Variants in GRID2IP observed in about 807,000 individuals in gnomAD.
GRID2IP encodes the protein Grid2 interacting protein, also known as delphilin.
A neutral mutation model predicts 114.3 loss-of-function variants in GRID2IP; 78 were observed. The observed-to-expected ratio is 0.68, with a 90% CI of 0.57 to 0.82. The LOEUF (loss-of-function observed/expected upper bound fraction) is 0.82, where lower values mean the gene tolerates loss of function less well. Ranked by LOEUF, GRID2IP falls within the 40% of genes least tolerant of loss-of-function variation. The pLI is 0.00. For synonymous variants in GRID2IP, 809 were observed against 724.0 expected, an observed-to-expected ratio of 1.12 and a Z score of -1.89; for missense variants, 1,727 against 1,678.5, an observed-to-expected ratio of 1.03 and a Z score of -0.51.
intron 1 of GRID2IP, among the ~76,000 whole-genome samples, chr7:6,546,597 C>G (rs1779892936): frequency 6.6e-6 from 1 of 151,238 alleles, no homozygotes; most frequent in South Asian, 2.1e-4. Flanking sequence ...GATAGAAAAC[C>G]AACTGGGCTC....
chr7:6,507,908 G>T lies in GRID2IP; in HGVS notation c.2544+77C>A. 6.6e-7 allele frequency: 1 copy of T among 1,519,168 alleles called. No individual in the cohort carries two copies. The highest frequency in any genetic ancestry group is 1.3e-5 in the South Asian group (1 of 79,132). The allele number at this position is 1,519,168 out of a possible 1,614,324, so 94.1% of individuals were successfully genotyped here. ...GGATGATGTTGGAAGATGCCTGGCCGATGGGTTTTCCTTCAGTGCTGCTGC... is the reference window on the plus strand; with the variant it reads ...GGATGATGTTGGAAGATGCCTGGCCTATGGGTTTTCCTTCAGTGCTGCTGC... On this transcript the variant is annotated intron_variant, in intron 13 of 21. Coordinates refer to ENST00000457091, the MANE Select transcript of GRID2IP (RefSeq NM_001145118.2). This position sits in a 1 kb window ranked among gnomAD's most constrained non-coding sequence, Gnocchi z 5.3.
At position 6,504,598 on chromosome 7, in the gene GRID2IP, G is replaced by A. The variant is rs113690162; in HGVS notation, c.2710+195C>T. On this transcript the variant is annotated intron_variant, in intron 15 of 21. Coordinates refer to ENST00000457091, the MANE Select transcript of GRID2IP (RefSeq NM_001145118.2). ...AGAACCGGGAAGTTGATTAGACAGT[G>A]AGGGTGGGGCCAGCACCCGCGCCCA... Among the ~76,000 whole-genome samples the A allele has an allele frequency of 5.8e-3, 878 of 152,250 alleles. 6 individuals carry two copies. Among genetic ancestry groups the A allele is most frequent in the African/African-American group, 0.02 (835 of 41,544 alleles).
At chr7:6,531,996 C>A (rs73344957) in intron 2 of GRID2IP, among the ~76,000 whole-genome samples, 5,435 of 152,210 alleles carry the variant, frequency 0.036, 326 homozygotes, top group African/African-American at 0.12. Flanking sequence ...AGAGGGCCTC[C>A]CAGAGCTGCG....
At chr7:6,539,993 AC>A in intron 1 of GRID2IP, 121 bp from the exon 2 acceptor site, 13 of 777,602 alleles carry the variant, frequency 1.7e-5, no homozygotes, top group Non-Finnish European at 2.5e-5. Context: ...TGGGCGTACC[AC>A]CTGAGTGCTA....
Position 6,526,268 on chromosome 7 carries a change from G to T in GRID2IP, c.875C>A (p.Thr292Lys), listed in dbSNP as rs1296291699. 16 of 1,552,028 alleles carry T rather than the reference G, an allele frequency of 1.0e-5. No individual in the cohort carries two copies. Among genetic ancestry groups the T allele is most frequent in the Non-Finnish European group, 1.4e-5 (16 of 1,147,056 alleles). Residue 292 changes from threonine to lysine, a missense_variant, in exon 4 of 22, where the codon ACA becomes AAA. Thr to Lys is a moderately conservative substitution (Grantham distance 78). Coordinates refer to ENST00000457091, the MANE Select transcript of GRID2IP (RefSeq NM_001145118.2). This position sits in a 1 kb window ranked among gnomAD's most constrained non-coding sequence, Gnocchi z 7.6. The stretch of plus-strand genomic sequence containing the variant: ...CCAGACAGGCCCGTGGCCGCGAAGT[G>T]TGAAGCCGAAGCTCTTGTTGCCTTT... ...VYKGNKSFGFTLRGHGPVWIE... is the reference protein window; with the variant it reads ...VYKGNKSFGFKLRGHGPVWIE...
At chr7:6,543,887 C>T (rs1779848352) in intron 1 of GRID2IP, among the ~76,000 whole-genome samples, 1 of 152,122 alleles carries the variant, frequency 6.6e-6, no homozygotes, top group South Asian at 2.1e-4. Flanking sequence ...ACCTCCACCT[C>T]CTGAGTTCAA....
rs767561580 is a variant in GRID2IP, at chr7:6,505,708, G to A, written c.2632+112C>T. On this transcript the variant is annotated intron_variant, in intron 14 of 21. Coordinates refer to ENST00000457091, the MANE Select transcript of GRID2IP (RefSeq NM_001145118.2). ...TAAATAACTCAGGGACTGAAGGCTTGAGGACGCATCAGGTTAAATAGTAGT... is the reference window on the plus strand; with the variant it reads ...TAAATAACTCAGGGACTGAAGGCTTAAGGACGCATCAGGTTAAATAGTAGT... 1.6e-4 allele frequency: 109 copies of A among 694,338 alleles called. 2 individuals are homozygous for A. Among genetic ancestry groups the A allele is most frequent in the South Asian group, 1.4e-3 (78 of 57,582 alleles). 43.0% of individuals were successfully genotyped at this position (694,338 alleles called of 1,614,324 possible).
At position 6,523,086 on chromosome 7, in the gene GRID2IP, G is replaced by A. The variant is rs891610089; in HGVS notation, c.920-1129C>T. 1.3e-5 allele frequency among the ~76,000 whole-genome samples: 2 copies of A among 152,068 alleles called. No individual in the cohort carries two copies. Among genetic ancestry groups the A allele is most frequent in the African/African-American group, 4.8e-5 (2 of 41,402 alleles). Reference sequence around the variant, plus strand: ...CCCAAAGTGCTGGGATTACAGGTGTGAGCCACCACGTAGTCCTCTTTCTGC... The same window carrying A: ...CCCAAAGTGCTGGGATTACAGGTGTAAGCCACCACGTAGTCCTCTTTCTGC... On this transcript the variant is annotated intron_variant, in intron 4 of 21. Coordinates refer to ENST00000457091, the MANE Select transcript of GRID2IP (RefSeq NM_001145118.2). The surrounding 1 kb of genome is among the most constrained non-coding windows in gnomAD (Gnocchi z 4.5).
Position 6,519,391 on chromosome 7 carries a change from C to T in GRID2IP, c.1268+1187G>A, listed in dbSNP as rs528305964. ...TGCCTGTAACCGCAGCACTTTGGGA[C>T]GATCACTTGAGCCCAAGAGTTCGAG... On this transcript the variant is annotated intron_variant, in intron 7 of 21. Coordinates refer to ENST00000457091, the MANE Select transcript of GRID2IP (RefSeq NM_001145118.2). The surrounding 1 kb of genome is among the most constrained non-coding windows in gnomAD (Gnocchi z 4.1). 2.0e-4 allele frequency among the ~76,000 whole-genome samples: 30 copies of T among 152,114 alleles called. No homozygotes were observed. Among genetic ancestry groups the T allele is most frequent in the Admixed American group, 1.2e-3 (19 of 15,246 alleles).
In GRID2IP at chr7:6,521,330, A is replaced by T; in HGVS notation, c.1084+99T>A. The stretch of plus-strand genomic sequence containing the variant: ...CCCCGGGGAGGCAAGCTGCAGGTTT[A>T]GGGGAAGAGCTGAGTCCTCCGCACT... On this transcript the variant is annotated intron_variant, in intron 6 of 21. Transcript: ENST00000457091. The surrounding 1 kb of genome is among the most constrained non-coding windows in gnomAD (Gnocchi z 4.1). 1.2e-6 allele frequency: 1 copy of T among 802,346 alleles called. No homozygotes were observed. Among genetic ancestry groups the T allele is most frequent in the Non-Finnish European group, 1.9e-6 (1 of 517,808 alleles). The allele number at this position is 802,346 out of a possible 1,614,324, so 49.7% of individuals were successfully genotyped here.
chr7:6,510,812 T>C, intron 9 of GRID2IP, 96 bp downstream of exon 9: 2 of 1,476,324 alleles, frequency 1.4e-6, no homozygotes, highest in Non-Finnish European at 1.8e-6. Context: ...GAGCCCTGCT[T>C]AGCCCCATTC....
In GRID2IP at chr7:6,532,005, C is replaced by T. The variant is rs1023686882; in HGVS notation, c.585-5236G>A. Among the ~76,000 whole-genome samples, 1 of 152,068 alleles carries T rather than the reference C, an allele frequency of 6.6e-6. No individual in the cohort carries two copies. The highest frequency in any genetic ancestry group is 1.9e-4 in the East Asian group (1 of 5,192). ...GCGAGTAGAGGGCCTCCCAGAGCTG[C>T]GCCTCTTGCTCTGCCAGGAGAGAAG... On this transcript the variant is annotated intron_variant, in intron 2 of 21. Coordinates refer to ENST00000457091, the MANE Select transcript of GRID2IP (RefSeq NM_001145118.2). This position sits in a 1 kb window ranked among gnomAD's most constrained non-coding sequence, Gnocchi z 4.4.
intron 2 of GRID2IP, 96 bp downstream of exon 2, chr7:6,539,622 C>T: frequency 1.7e-6 from 2 of 1,184,476 alleles, no homozygotes; most frequent in Non-Finnish European, 2.3e-6. Flanking sequence ...TTATCTCCCA[C>T]CTGGGCTGGA....
intron 2 of GRID2IP, among the ~76,000 whole-genome samples, chr7:6,537,414 G>T (rs1303155853): frequency 4.6e-5 from 5 of 109,124 alleles, no homozygotes; most frequent in African/African-American, 1.8e-4. Context: ...GTCTTGCTCT[G>T]TTGGCAGGGC....
chr7:6,537,156 G>T (rs978775595), intron 2 of GRID2IP, among the ~76,000 whole-genome samples: 9 of 152,020 alleles, frequency 5.9e-5, no homozygotes, highest in African/African-American at 2.2e-4. Context: ...AAGCTGGGCA[G>T]GCAGGGAGGG....
rs1283505200 is a variant in GRID2IP at position 6,504,785 on chromosome 7, A to C, written c.2710+8T>G. ...CCCTACACCCCCTGGGGTTCCCCGG[A>C]CCCTCACAGGTGTTGTAGGCCTTCT... On this transcript the variant is annotated splice_region_variant and intron_variant, in intron 15 of 21. Coordinates refer to ENST00000457091, the MANE Select transcript of GRID2IP (RefSeq NM_001145118.2). The C allele has an allele frequency of 6.5e-7, 1 of 1,549,544 alleles. No individual in the cohort carries two copies. Among genetic ancestry groups the C allele is most frequent in the Non-Finnish European group, 8.7e-7 (1 of 1,145,430 alleles).
intron 4 of GRID2IP, among the ~76,000 whole-genome samples, chr7:6,524,722 G>A (rs1779476078): frequency 6.6e-6 from 1 of 150,986 alleles, no homozygotes; most frequent in Admixed American, 6.6e-5. Context: ...CTCATCTCTC[G>A]TTTGTTTTTT....
In GRID2IP at chr7:6,498,148, C is replaced by A. The variant is rs1356870134; in HGVS notation, c.3480G>T (p.Ala1160=). 1.4e-5 allele frequency: 21 copies of A among 1,551,484 alleles called. No individual in the cohort carries two copies. The highest frequency in any genetic ancestry group is 2.0e-5 in the Admixed American group (1 of 50,974). The change falls in exon 21 of 22, where the codon GCG becomes GCT. Residue 1160 remains alanine, a synonymous_variant. Transcript: ENST00000457091. The part of the protein sequence containing the change: ...QREAMEELGK[A]LAFFGEDSKA... ...TGGAATCCTCCCCAAAGAAGGCCAGCGCCTTGCCCAGCTCCTCCATGGCCT... is the reference window on the plus strand; with the variant it reads ...TGGAATCCTCCCCAAAGAAGGCCAGAGCCTTGCCCAGCTCCTCCATGGCCT...
At position 6,540,380 on chromosome 7, in the gene GRID2IP, G is replaced by A. The variant is rs540235566; in HGVS notation, c.430-508C>T. The stretch of plus-strand genomic sequence containing the variant: ...GCCCGCCTCGGCCTCCCAAGGTGCT[G>A]GGATTACAAGCGTGAGCCACCGCGG... On this transcript the variant is annotated intron_variant, in intron 1 of 21. Transcript: ENST00000457091. 1.6e-4 allele frequency among the ~76,000 whole-genome samples: 24 copies of A among 152,192 alleles called. 1 individual carries two copies. The South Asian group carries it at 3.7e-3, about 24-fold the overall frequency.
Sources: allele counts gnomAD v4.1 joint callset (sites outside exome capture counted in the v4.1 genomes callset), GRCh38; gene constraint gnomAD v4.1.1; non-coding constraint Gnocchi (gnomAD v3.1); transcripts MANE v1.5; gene names NCBI Gene and HGNC (gene_info 2026-07-23, HGNC 2026-07-21).